Variants in PCDHA4 observed in about 807,000 individuals in gnomAD.
The protein encoded by PCDHA4 is protocadherin alpha-4.
PCDHA4 carries 49 observed loss-of-function variants against 61.4 expected under a neutral mutation model. That is an observed-to-expected ratio of 0.80 (90% confidence interval 0.63 to 1.01). The LOEUF (loss-of-function observed/expected upper bound fraction) is 1.01. Among genes scored for constraint, PCDHA4 ranks in the 50% least tolerant of loss-of-function variants. The probability of loss-of-function intolerance (pLI) is 0.00; values close to 1 mark genes in which losing one functional copy is unlikely to be tolerated. For missense variants in PCDHA4, 1,254 were observed against 1,235.8 expected (o/e 1.01, Z -0.22); for synonymous variants, 590 against 550.3 (o/e 1.07, Z -1.01).
intron 1 of PCDHA4, among the ~76,000 whole-genome samples, chr5:140,907,205 G>T (rs549918744): frequency 2.0e-5 from 3 of 152,196 alleles, no homozygotes; most frequent in East Asian, 3.9e-4. Context: ...GGAGAATTTT[G>T]CCCCAGCCCT....
At chr5:140,827,817 A>G (rs1769419450) in intron 1 of PCDHA4, 3 of 368,424 alleles carry the variant, frequency 8.1e-6, no homozygotes, top group Non-Finnish European at 9.6e-6. Flanking sequence ...AGGAGGGTTT[A>G]CTATAAAAGT....
At chr5:140,970,332 G>A (rs1236073527) in intron 1 of PCDHA4, among the ~76,000 whole-genome samples, 12 of 152,138 alleles carry the variant, frequency 7.9e-5, no homozygotes, top group Admixed American at 2.6e-4. Flanking sequence ...TCCAAAGCAT[G>A]CATTCATTTT....
At chr5:140,821,580 C>A in intron 1 of PCDHA4, 1 of 612,866 alleles carries the variant, frequency 1.6e-6, no homozygotes, top group Non-Finnish European at 2.6e-6. Context: ...GAAGGTTTTT[C>A]TCCCTTCCCA....
chr5:140,889,067 C>T (rs1169049844), intron 1 of PCDHA4, among the ~76,000 whole-genome samples: 1 of 151,942 alleles, frequency 6.6e-6, no homozygotes, highest in Admixed American at 6.6e-5. Flanking sequence ...TAATATACTA[C>T]TTATTTTGTT....
At chr5:140,997,129 C>T (rs983112049) in intron 3 of PCDHA4, among the ~76,000 whole-genome samples, 1 of 152,094 alleles carries the variant, frequency 6.6e-6, no homozygotes, top group Non-Finnish European at 1.5e-5. Flanking sequence ...ATACACAATG[C>T]CCCCACACCC....
chr5:140,815,438 A>T (rs1765726123), intron 1 of PCDHA4: 1 of 152,134 alleles, frequency 6.6e-6, no homozygotes, highest in African/African-American at 2.4e-5. Flanking sequence ...TAGCATCTTT[A>T]CTACAATCAC....
rs2150369149 is a variant in PCDHA4 at position 140,844,155 on chromosome 5, T to C, written c.2385+34583T>C. On this transcript the variant is annotated intron_variant, in intron 1 of 3. Transcript: ENST00000530339. ...AATATGTTGTCTTTATATTTACTTTTATTCACTTTAAGATCTCGGTTTATT... is the reference window on the plus strand; with the variant it reads ...AATATGTTGTCTTTATATTTACTTTCATTCACTTTAAGATCTCGGTTTATT... 1.3e-4 allele frequency among the ~76,000 whole-genome samples: 20 copies of C among 149,790 alleles called. 2 individuals carry two copies. The highest frequency in any genetic ancestry group is 6.7e-4 in the Admixed American group (10 of 14,966).
intron 1 of PCDHA4, chr5:140,842,566 CGA>C: frequency 6.7e-7 from 1 of 1,503,446 alleles, no homozygotes; most frequent in Non-Finnish European, 9.0e-7. Context: ...CCCTGGACCG[CGA>C]GAGAGTGTCG....
At chr5:140,841,733 CA>C in intron 1 of PCDHA4, 1 of 1,613,850 alleles carries the variant, frequency 6.2e-7, no homozygotes, top group Non-Finnish European at 8.5e-7. Flanking sequence ...GGTAAAAGAC[CA>C]AAAGCTGTTT....
chr5:140,947,192 C>T (rs958443362), intron 1 of PCDHA4, among the ~76,000 whole-genome samples: 2 of 151,038 alleles, frequency 1.3e-5, no homozygotes, highest in Admixed American at 6.6e-5. Flanking sequence ...GTATACTACA[C>T]AGCCTTAAAA....
At chr5:140,834,711 G>A (rs1401581496) in intron 1 of PCDHA4, 1 of 1,614,266 alleles carries the variant, frequency 6.2e-7, no homozygotes. Context: ...GGAGGTGATC[G>A]TGGAAAGGCC....
chr5:140,939,701 T>C (rs782486336), intron 1 of PCDHA4, among the ~76,000 whole-genome samples: 2 of 152,210 alleles, frequency 1.3e-5, no homozygotes, highest in Non-Finnish European at 2.9e-5. Context: ...GACATTATCA[T>C]TTGTGAGATA....
At chr5:140,842,698 G>A (rs782455331) in intron 1 of PCDHA4, 1 of 1,595,366 alleles carries the variant, frequency 6.3e-7, no homozygotes, top group South Asian at 1.1e-5. Flanking sequence ...CGCAGCCCGA[G>A]TACACGGTGT....
At chr5:141,007,522 C>T (rs1475001472) in intron 3 of PCDHA4, among the ~76,000 whole-genome samples, 1 of 151,940 alleles carries the variant, frequency 6.6e-6, no homozygotes, top group Non-Finnish European at 1.5e-5. Context: ...GAGCTGATAT[C>T]TCGCCACTGC....
intron 1 of PCDHA4, among the ~76,000 whole-genome samples, chr5:140,896,522 G>A (rs1228394123): frequency 6.7e-6 from 1 of 149,268 alleles, no homozygotes; most frequent in Non-Finnish European, 1.5e-5. Context: ...ACACCACAAA[G>A]CCCAGCTATT....
At chr5:140,977,831 T>C (rs987042342) in intron 1 of PCDHA4, among the ~76,000 whole-genome samples, 3 of 152,240 alleles carry the variant, frequency 2.0e-5, no homozygotes, top group Admixed American at 1.3e-4. Flanking sequence ...AATGGTCTAT[T>C]GATATTACTA....
chr5:140,887,565 T>C (rs1214384060), intron 1 of PCDHA4, among the ~76,000 whole-genome samples: 2 of 152,180 alleles, frequency 1.3e-5, no homozygotes, highest in Admixed American at 1.3e-4. Context: ...TTAAAACTTT[T>C]CTTTTTATCC....
chr5:140,832,092 A>T, intron 1 of PCDHA4, among the ~76,000 whole-genome samples: 1 of 152,240 alleles, frequency 6.6e-6, no homozygotes, highest in East Asian at 1.9e-4. Flanking sequence ...TTTAAATGCC[A>T]TGTTCTACAT....
chr5:140,938,810 C>G (rs1182517488), intron 1 of PCDHA4, among the ~76,000 whole-genome samples: 1 of 152,030 alleles, frequency 6.6e-6, no homozygotes, highest in Non-Finnish European at 1.5e-5. Context: ...ACCACAAACC[C>G]CTGTGACATG....
Sources: gnomAD v4.1 joint callset for allele counts (sites outside exome capture counted in the v4.1 genomes callset) on GRCh38, gnomAD v4.1.1 for gene constraint, MANE v1.5 for transcripts, NCBI Gene and HGNC (gene_info 2026-07-23, HGNC 2026-07-21) for gene names.